SDHA: variants seen among roughly 807,000 people sequenced by gnomAD.
SDHA encodes succinate dehydrogenase complex flavoprotein subunit A, also known as succinate dehydrogenase [ubiquinone] flavoprotein subunit, mitochondrial.
A neutral mutation model predicts 78.4 loss-of-function variants in SDHA; 48 were observed. The observed-to-expected ratio is 0.61, with a 90% CI of 0.49 to 0.78. The LOEUF is 0.78. SDHA is among the 30% of genes least tolerant of loss of function. The probability of loss-of-function intolerance (pLI) is 0.00; values close to 1 mark genes in which losing one functional copy is unlikely to be tolerated. For synonymous variants in SDHA, 326 were observed against 353.9 expected, an observed-to-expected ratio of 0.92 and a Z score of 0.88; for missense variants, 680 against 892.7, an observed-to-expected ratio of 0.76 and a Z score of 3.04.
At chr5:266,146 A>G in the SDHA span, among the ~76,000 whole-genome samples, 1 of 152,382 alleles carries the variant, frequency 6.6e-6, no homozygotes, top group East Asian at 1.9e-4. Context: ...CTGACATGTA[A>G]TGGGATGACT....
Position 228,289 on chromosome 5 carries a change from G to A in SDHA, c.726G>A (p.Gly242=), listed in dbSNP as rs2126559012. 1 of 1,613,946 alleles carries A rather than the reference G, an allele frequency of 6.2e-7. No individual in the cohort carries two copies. The highest frequency in any genetic ancestry group is 8.5e-7 in the Non-Finnish European group (1 of 1,179,870). Residue 242 remains glycine (G), a synonymous_variant, in exon 6 of 15, where the codon GGG becomes GGA. Transcript: ENST00000264932. ...RGVIALCIED[G]SIHRIRAKNT... Reference sequence around the variant, plus strand: ...TCATCGCACTGTGCATAGAGGACGGGTCCATCCATCGCATAAGAGCAAAGA... The same window carrying A: ...TCATCGCACTGTGCATAGAGGACGGATCCATCCATCGCATAAGAGCAAAGA...
In SDHA at chr5:256,626, A is replaced by C. The variant is rs1737217132; in HGVS notation, c.*206A>C. 2 of 585,738 alleles carry C rather than the reference A, an allele frequency of 3.4e-6. No individual in the cohort carries two copies. The highest frequency in any genetic ancestry group is 3.1e-6 in the Non-Finnish European group (1 of 326,716). 36.3% of individuals were successfully genotyped at this position (585,738 alleles called of 1,614,324 possible). A position where few individuals can be genotyped will look rare whatever the true frequency, so the allele number is the denominator to read the frequency against. On this transcript the variant is annotated 3_prime_UTR_variant, in exon 15 of 15. Transcript: ENST00000264932. ...GGCACTTACCTTTGTCCCTTGCTTC[A>C]TTCTTGTGAGATGATAAAACTGGGC...
intron 11 of SDHA, chr5:249,389 C>A (rs1736670904): frequency 5.4e-6 from 1 of 183,644 alleles, no homozygotes; most frequent in South Asian, 9.5e-5. Flanking sequence ...AACAAAATCT[C>A]TGCAGCACTC....
chr5:219,699 A>G (rs1448753016), intron 1 of SDHA, among the ~76,000 whole-genome samples: 3 of 152,170 alleles, frequency 2.0e-5, no homozygotes, highest in Admixed American at 2.0e-4. Context: ...CAGGAAGGAA[A>G]GCCCATGGTC....
At chr5:262,633 C>G in the SDHA span, among the ~76,000 whole-genome samples, 1 of 152,212 alleles carries the variant, frequency 6.6e-6, no homozygotes, top group African/African-American at 2.4e-5. Context: ...TTCCATGAAA[C>G]CAGTCCCTGG....
chr5:236,648 T>A, intron 10 of SDHA, 49 bp downstream of exon 10: 1 of 1,580,422 alleles, frequency 6.3e-7, no homozygotes, highest in South Asian at 1.1e-5. Context: ...CGCAGGACGT[T>A]AGAAAGTCTT....
intron 5 of SDHA, among the ~76,000 whole-genome samples, chr5:226,884 G>A (rs546536988): frequency 7.4e-6 from 1 of 134,852 alleles, no homozygotes; most frequent in Non-Finnish European, 1.5e-5. Flanking sequence ...AGCCGAGATC[G>A]CACCCCTGCA....
At position 256,154 on chromosome 5, in the gene SDHA, C is replaced by A. The variant is rs547749422; in HGVS notation, c.1909-180C>A. Among the ~76,000 whole-genome samples the A allele has an allele frequency of 9.2e-5, 14 of 152,310 alleles. 1 individual carries two copies. The highest frequency in any genetic ancestry group is 3.4e-4 in the African/African-American group (14 of 41,584). On this transcript the variant is annotated intron_variant, in intron 14 of 14. Coordinates refer to ENST00000264932, the MANE Select transcript of SDHA (RefSeq NM_004168.4). ...AGTAGATGGTTTAAACATAAAGTGT[C>A]TTGGTATAGACAAGGGTTCTCCCAC...
At chr5:250,722 A>T (rs1368361512) in intron 11 of SDHA, 2 of 422,170 alleles carry the variant, frequency 4.7e-6, no homozygotes, top group East Asian at 5.2e-5. Context: ...GTCTGCTTGG[A>T]GTCCTGGACC....
At chr5:263,929 A>G in the SDHA span, among the ~76,000 whole-genome samples, 2 of 152,218 alleles carry the variant, frequency 1.3e-5, no homozygotes, top group African/African-American at 4.8e-5. Flanking sequence ...ATATGTTTGC[A>G]ACCAAGTTCT....
the SDHA span, among the ~76,000 whole-genome samples, chr5:265,195 A>C: frequency 6.6e-6 from 1 of 152,210 alleles, no homozygotes; most frequent in African/African-American, 2.4e-5. Context: ...AACAGGAACA[A>C]AACTCCATCT....
rs1737202493 is a variant in SDHA, at chr5:256,478, G to A, written c.*58G>A. On this transcript the variant is annotated 3_prime_UTR_variant, in exon 15 of 15. Coordinates refer to ENST00000264932, the MANE Select transcript of SDHA (RefSeq NM_004168.4). ...TTTGTAATTATGTATAATAGCTCATGCATGTGTCCATGTCATAACTGTCTT... is the reference window on the plus strand; with the variant it reads ...TTTGTAATTATGTATAATAGCTCATACATGTGTCCATGTCATAACTGTCTT... 8.8e-6 allele frequency: 12 copies of A among 1,359,886 alleles called. No individual in the cohort carries two copies. Among genetic ancestry groups the A allele is most frequent in the Non-Finnish European group, 1.3e-5 (12 of 949,400 alleles). 84.2% of individuals were successfully genotyped at this position (1,359,886 alleles called of 1,614,324 possible).
At chr5:245,671 CTT>C (rs780979166) in intron 11 of SDHA, among the ~76,000 whole-genome samples, 3 of 152,232 alleles carry the variant, frequency 2.0e-5, no homozygotes, top group Non-Finnish European at 2.9e-5. Context: ...GATTACTACT[CTT>C]TACTCCTACT....
chr5:263,249 A>C, the SDHA span, among the ~76,000 whole-genome samples: 1 of 152,108 alleles, frequency 6.6e-6, no homozygotes, highest in Admixed American at 6.5e-5. Flanking sequence ...ACTTTTCCTA[A>C]GACAAGGCAG....
chr5:226,772 CA>C (rs1265945347), intron 5 of SDHA, among the ~76,000 whole-genome samples: 7 of 151,288 alleles, frequency 4.6e-5, no homozygotes, highest in Non-Finnish European at 8.9e-5. Context: ...ACTAAAAATA[CA>C]AAAAAATTAG....
intron 10 of SDHA, among the ~76,000 whole-genome samples, chr5:239,830 C>T (rs977727605): frequency 3.3e-5 from 5 of 150,798 alleles, no homozygotes; most frequent in Admixed American, 6.6e-5. Flanking sequence ...AGTGCAGTGG[C>T]GCGATCTCGG....
chr5:244,011 C>T (rs1214386443), intron 11 of SDHA, among the ~76,000 whole-genome samples: 1 of 152,052 alleles, frequency 6.6e-6, no homozygotes. Flanking sequence ...GAAATATGTC[C>T]AAAATGTAAA....
At chr5:227,292 G>T (rs1735091154) in intron 5 of SDHA, among the ~76,000 whole-genome samples, 1 of 152,238 alleles carries the variant, frequency 6.6e-6, no homozygotes, top group African/African-American at 2.4e-5. Flanking sequence ...TTGCAGGCGT[G>T]AGCCACCGCA....
the SDHA span, among the ~76,000 whole-genome samples, chr5:264,674 A>G: frequency 1.3e-5 from 2 of 152,346 alleles, no homozygotes; most frequent in African/African-American, 4.8e-5. Flanking sequence ...CTGCAGCCCA[A>G]CTGCACATCA....
Sources: allele counts gnomAD v4.1 joint callset (sites outside exome capture counted in the v4.1 genomes callset), GRCh38; gene constraint gnomAD v4.1.1; transcripts MANE v1.5; gene names NCBI Gene and HGNC (gene_info 2026-07-23, HGNC 2026-07-21).